KCNH7: variants seen among roughly 807,000 people sequenced by gnomAD.
The protein encoded by KCNH7 is potassium voltage-gated channel subfamily H member 7.
In KCNH7, 49 loss-of-function variants were observed where a neutral mutation model predicts 120.8. The ratio of observed to expected loss-of-function variants is 0.41; its 90% confidence interval spans 0.32 to 0.51. KCNH7 has a LOEUF of 0.51. KCNH7 is among the 20% of genes least tolerant of loss of function. The probability of loss-of-function intolerance (pLI) is 0.38; values close to 1 mark genes in which losing one functional copy is unlikely to be tolerated. For missense variants in KCNH7, 1,097 were observed against 1,446.6 expected, an observed-to-expected ratio of 0.76 and a Z score of 3.92; for synonymous variants, 547 against 516.1, an observed-to-expected ratio of 1.06 and a Z score of -0.81.
rs1190925682 is a variant in KCNH7 at position 162,748,919 on chromosome 2, C to CCCTTT, written c.307+87613_307+87617dup. On this transcript the variant is annotated intron_variant, in intron 2 of 15. Transcript: ENST00000332142. ...CTTTCCTTCCTTCCTTCCTTCCCTT[C>CCCTTT]CCTTTCCTTTCCTTCCTTCCTTCCT... Among the ~76,000 whole-genome samples the CCCTTT allele has an allele frequency of 6.4e-3, 277 of 43,584 alleles. 10 individuals carry two copies. Among genetic ancestry groups the CCCTTT allele is most frequent in the Non-Finnish European group, 5.9e-3 (165 of 28,162 alleles). The allele number at this position is 43,584 out of a possible 152,430, so 28.6% of individuals were successfully genotyped here.
intron 2 of KCNH7, among the ~76,000 whole-genome samples, chr2:162,606,023 C>T (rs1290699318): frequency 1.3e-5 from 2 of 151,456 alleles, no homozygotes; most frequent in African/African-American, 2.4e-5. Context: ...TATTGCATAC[C>T]GTCTAGTAAA....
chr2:162,577,348 C>CCTATCTATCTATCTATCTATCTAT (rs71009364), intron 2 of KCNH7, among the ~76,000 whole-genome samples: 3 of 131,356 alleles, frequency 2.3e-5, no homozygotes, highest in African/African-American at 5.7e-5. Flanking sequence ...ATCTATCCAT[C>CCTATCTATCTATCTATCTATCTAT]CTATCTATCT....
chr2:162,525,758 C>T (rs1691682068), intron 3 of KCNH7, among the ~76,000 whole-genome samples: 2 of 151,826 alleles, frequency 1.3e-5, no homozygotes, highest in Non-Finnish European at 2.9e-5. Context: ...ATGGACTGTT[C>T]CAAACACAAA....
chr2:162,417,484 G>C (rs1021338891), intron 9 of KCNH7, among the ~76,000 whole-genome samples: 2 of 151,982 alleles, frequency 1.3e-5, no homozygotes, highest in Non-Finnish European at 2.9e-5. Flanking sequence ...ATTATTTTAA[G>C]AATTTCAAAA....
intron 12 of KCNH7, among the ~76,000 whole-genome samples, chr2:162,389,939 T>C (rs781467823): frequency 1.3e-5 from 2 of 151,946 alleles, no homozygotes; most frequent in Non-Finnish European, 2.9e-5. Context: ...CTCTAAAACT[T>C]TAAGACAAAC....
intron 9 of KCNH7, among the ~76,000 whole-genome samples, chr2:162,405,953 CT>C (rs1429632501): frequency 1.3e-5 from 2 of 151,934 alleles, no homozygotes; most frequent in African/African-American, 4.8e-5. Context: ...ATATGTCACT[CT>C]TCTGTCACCT....
At chr2:162,644,496 G>C (rs1311045183) in intron 2 of KCNH7, among the ~76,000 whole-genome samples, 1 of 152,050 alleles carries the variant, frequency 6.6e-6, no homozygotes, top group African/African-American at 2.4e-5. Context: ...AAGCCATCCT[G>C]TCCTGAATAT....
chr2:162,672,364 A>T (rs1315210465), intron 2 of KCNH7, among the ~76,000 whole-genome samples: 1 of 152,080 alleles, frequency 6.6e-6, no homozygotes, highest in Non-Finnish European at 1.5e-5. Context: ...CAACTTGAAG[A>T]TGATCAAATA....
At chr2:162,807,111 A>G (rs1559142935) in intron 2 of KCNH7, among the ~76,000 whole-genome samples, 2 of 151,844 alleles carry the variant, frequency 1.3e-5, no homozygotes, top group African/African-American at 2.4e-5. Flanking sequence ...GCAAAAAACA[A>G]AAACAAACAA....
intron 2 of KCNH7, among the ~76,000 whole-genome samples, chr2:162,612,173 T>C (rs184935714): frequency 2.0e-5 from 3 of 152,226 alleles, no homozygotes; most frequent in Admixed American, 1.3e-4. Context: ...GGAATCAATA[T>C]GAAAAATGCA....
chr2:162,557,882 G>A (rs955691163), intron 2 of KCNH7, among the ~76,000 whole-genome samples: 1 of 152,116 alleles, frequency 6.6e-6, no homozygotes, highest in Non-Finnish European at 1.5e-5. Context: ...GTAAAAGAGT[G>A]AATCCACAGA....
chr2:162,554,355 T>C (rs1310769649), intron 2 of KCNH7, among the ~76,000 whole-genome samples: 1 of 152,072 alleles, frequency 6.6e-6, no homozygotes. Context: ...ACAAACTCCA[T>C]CATAGCCTTT....
At chr2:162,639,973 A>G (rs533748473) in intron 2 of KCNH7, among the ~76,000 whole-genome samples, 36 of 152,300 alleles carry the variant, frequency 2.4e-4, no homozygotes, top group African/African-American at 8.7e-4. Context: ...TACCAAGATT[A>G]CTTAGGTGTC....
chr2:162,397,019 G>A, intron 10 of KCNH7, 74 bp from the exon 11 acceptor site: 2 of 988,670 alleles, frequency 2.0e-6, no homozygotes, highest in Admixed American at 2.1e-5. Flanking sequence ...AAGTAGAAGG[G>A]GGTCATTAAA....
At chr2:162,614,843 A>T (rs1056293383) in intron 2 of KCNH7, among the ~76,000 whole-genome samples, 1 of 151,610 alleles carries the variant, frequency 6.6e-6, no homozygotes. Context: ...ACTGAACTAT[A>T]TTTGTACTCT....
intron 2 of KCNH7, among the ~76,000 whole-genome samples, chr2:162,810,690 T>A (rs1684705714): frequency 6.6e-6 from 1 of 152,166 alleles, no homozygotes; most frequent in African/African-American, 2.4e-5. Context: ...AAAAACTATT[T>A]TTTAAATTTT....
intron 2 of KCNH7, among the ~76,000 whole-genome samples, chr2:162,616,736 A>G (rs1243419113): frequency 1.3e-5 from 2 of 152,204 alleles, no homozygotes; most frequent in Non-Finnish European, 2.9e-5. Flanking sequence ...GTTTGCTTCC[A>G]TCCTGGGATT....
chr2:162,747,802 A>G (rs2105423275), intron 2 of KCNH7, among the ~76,000 whole-genome samples: 1 of 152,318 alleles, frequency 6.6e-6, no homozygotes, highest in South Asian at 2.1e-4. Context: ...TAACATTTTT[A>G]AAGGAAAAAT....
intron 6 of KCNH7, among the ~76,000 whole-genome samples, chr2:162,454,645 T>C (rs1277238404): frequency 2.0e-5 from 3 of 152,160 alleles, no homozygotes; most frequent in African/African-American, 2.4e-5. Context: ...TGATTTGTAG[T>C]TCTCCTTGAA....
Sources: allele counts gnomAD v4.1 joint callset (sites outside exome capture counted in the v4.1 genomes callset), GRCh38; gene constraint gnomAD v4.1.1; transcripts MANE v1.5; gene names NCBI Gene and HGNC (gene_info 2026-07-23, HGNC 2026-07-21).